SEMA6A: variants seen among roughly 807,000 people sequenced by gnomAD.
SEMA6A encodes the protein semaphorin 6A.
In SEMA6A, 25 loss-of-function variants were observed where a neutral mutation model predicts 96.8. The ratio of observed to expected loss-of-function variants is 0.26; its 90% CI spans 0.19 to 0.36. SEMA6A has a LOEUF of 0.36. SEMA6A is among the 10% of genes least tolerant of loss of function. The pLI is 1.00. For missense variants in SEMA6A, 1,363 were observed against 1,323.1 expected (o/e 1.03, Z -0.47); for synonymous variants, 612 against 518.0 (o/e 1.18, Z -2.46).
chr5:116,449,365 TC>T lies in SEMA6A; in HGVS notation c.1895-1555del, dbSNP rs1754484927. On this transcript the variant is annotated intron_variant, in intron 18 of 18. Transcript: ENST00000343348. ...TTTTTCATCTACTAAATCAACTCTT[TC>T]TGGAATATGTTTCATGTATTTTACT... The T allele has an allele frequency of 4.3e-6, 3 of 702,382 alleles. No homozygotes were observed. In the East Asian group the frequency reaches 8.0e-5, roughly 19 times the overall value. The allele number at this position is 702,382 out of a possible 1,614,324, so 43.5% of individuals were successfully genotyped here.
At chr5:116,510,868 A>G (rs1048365354) in intron 1 of SEMA6A, among the ~76,000 whole-genome samples, 6 of 152,186 alleles carry the variant, frequency 3.9e-5, no homozygotes, top group African/African-American at 1.2e-4. Context: ...AAATATAATG[A>G]TGTGGAAAAT....
intron 18 of SEMA6A, among the ~76,000 whole-genome samples, chr5:116,450,444 G>T (rs922642814): frequency 6.6e-6 from 1 of 152,182 alleles, no homozygotes; most frequent in Non-Finnish European, 1.5e-5. Flanking sequence ...TAAAGCTAGA[G>T]CAATTCATTG....
intron 1 of SEMA6A, among the ~76,000 whole-genome samples, chr5:116,556,912 C>CA (rs956608479): frequency 3.9e-4 from 60 of 152,190 alleles, no homozygotes; most frequent in African/African-American, 1.3e-3. Flanking sequence ...ATTATACATG[C>CA]AAAAAATAGC....
chr5:116,562,802 G>A (rs1294059064), intron 1 of SEMA6A: 3 of 723,476 alleles, frequency 4.1e-6, no homozygotes, highest in Non-Finnish European at 7.8e-6. Context: ...CCAGGATATG[G>A]CTCAGAGGTG....
intron 3 of SEMA6A, among the ~76,000 whole-genome samples, chr5:116,499,371 G>A (rs1162390807): frequency 7.6e-6 from 1 of 131,578 alleles, no homozygotes; most frequent in Non-Finnish European, 1.6e-5. Context: ...CCTCCAGCAA[G>A]CACCACTGAA....
In SEMA6A at chr5:116,447,328, G is replaced by A. The variant is rs1041228612; in HGVS notation, c.2378C>T (p.Pro793Leu). The change falls in exon 19 of 19, where the codon CCC (proline) becomes CTC (leucine). Residue 793 changes from proline (P) to leucine (L), a missense_variant. By Grantham distance (98) the Pro-to-Leu change is moderately conservative. Coordinates refer to ENST00000343348, the MANE Select transcript of SEMA6A (RefSeq NM_020796.5). Reference protein sequence around the residue: ...LINACTKDMPPMGSPVIPTDL... With the variant: ...LINACTKDMPLMGSPVIPTDL... ...CGTGGGAATCACAGGGGAGCCCATG[G>A]GGGGCATGTCCTTTGTGCAGGCATT... The A allele has an allele frequency of 6.2e-6, 10 of 1,613,712 alleles. No individual in the cohort carries two copies. The Admixed American group carries it at 1.7e-4, about 27-fold the overall frequency.
At chr5:116,489,137 G>T (rs1255084375) in intron 7 of SEMA6A, 130 bp from the exon 8 acceptor site, 6 of 1,059,940 alleles carry the variant, frequency 5.7e-6, no homozygotes, top group Non-Finnish European at 7.7e-6. Flanking sequence ...AAAAATCCAA[G>T]AGTCGCTGGG....
chr5:116,478,460 T>C, intron 13 of SEMA6A, 82 bp downstream of exon 13: 1 of 1,366,652 alleles, frequency 7.3e-7, no homozygotes, highest in East Asian at 2.5e-5. Flanking sequence ...AAAACCTCAG[T>C]CGGTCATGAT....
At chr5:116,478,889 C>T (rs1756606021) in intron 12 of SEMA6A, among the ~76,000 whole-genome samples, 171 bp from the exon 13 acceptor site, 1 of 151,632 alleles carries the variant, frequency 6.6e-6, no homozygotes, top group Admixed American at 6.6e-5. Context: ...ATTTGCAGAG[C>T]ACTAGTGTGG....
intron 18 of SEMA6A, among the ~76,000 whole-genome samples, chr5:116,459,247 C>T (rs72810793): frequency 6.6e-6 from 1 of 152,174 alleles, no homozygotes; most frequent in African/African-American, 2.4e-5. Context: ...TAGTAACAGA[C>T]ACTTTAGATC....
rs113431602 is a variant in SEMA6A at position 116,509,607 on chromosome 5, T to TGAGA, written c.-38-4629_-38-4626dup. ...GTGAAGAAGGGTGTCTCTGTGTGTGTGAGAGAGAGAGAGAGAGCATGCGAT... is the reference window on the plus strand; with the variant it reads ...GTGAAGAAGGGTGTCTCTGTGTGTGTGAGAGAGAGAGAGAGAGAGAGCATGCGAT... On this transcript the variant is annotated intron_variant, in intron 1 of 18. Transcript: ENST00000343348. Among the ~76,000 whole-genome samples, 568 of 150,488 alleles carry TGAGA rather than the reference T, an allele frequency of 3.8e-3. 7 individuals are homozygous for TGAGA. The highest frequency in any genetic ancestry group is 0.011 in the African/African-American group (437 of 41,024).
chr5:116,553,379 C>A (rs1055910861), intron 1 of SEMA6A, among the ~76,000 whole-genome samples: 2 of 152,168 alleles, frequency 1.3e-5, no homozygotes, highest in African/African-American at 4.8e-5. Context: ...GCGGCTCACA[C>A]TTGGTGTCAT....
At chr5:116,572,118 T>TG (rs1396701425) in intron 1 of SEMA6A, among the ~76,000 whole-genome samples, 6 of 152,052 alleles carry the variant, frequency 3.9e-5, no homozygotes. Flanking sequence ...AAACCAGCGC[T>TG]GGGGGGCATT....
intron 15 of SEMA6A, among the ~76,000 whole-genome samples, chr5:116,476,728 A>G (rs12522475): frequency 0.14 from 21,268 of 152,226 alleles, 1,747 homozygotes; most frequent in East Asian, 0.23. Flanking sequence ...GTCATCTCAT[A>G]GCTCCCCTCA....
intron 2 of SEMA6A, 60 bp from the exon 3 acceptor site, chr5:116,502,387 G>T: frequency 7.0e-7 from 1 of 1,438,328 alleles, no homozygotes; most frequent in Non-Finnish European, 9.8e-7. Flanking sequence ...AATTGACAGG[G>T]TAGGGAGGGG....
chr5:116,480,863 C>A (rs1454548927), intron 11 of SEMA6A, among the ~76,000 whole-genome samples: 4 of 152,154 alleles, frequency 2.6e-5, no homozygotes, highest in Admixed American at 6.5e-5. Flanking sequence ...ATATCAGATT[C>A]TTTCCTGAAA....
intron 7 of SEMA6A, 48 bp from the exon 8 acceptor site, chr5:116,489,055 G>C (rs898039753): frequency 6.6e-7 from 1 of 1,514,928 alleles, no homozygotes. Flanking sequence ...CAAGTCAGTG[G>C]GGGTGGAGGA....
chr5:116,495,081 TTAGA>T (rs1196229055), intron 6 of SEMA6A, among the ~76,000 whole-genome samples: 1 of 152,006 alleles, frequency 6.6e-6, no homozygotes, highest in African/African-American at 2.4e-5. Flanking sequence ...TGCTCAGAGG[TTAGA>T]TAGTGGGGTG....
intron 17 of SEMA6A, 148 bp from the exon 18 acceptor site, chr5:116,467,895 G>GTGA (rs1165859407): frequency 3.0e-6 from 2 of 670,692 alleles, no homozygotes; most frequent in African/African-American, 3.7e-5. Context: ...GGTGGTGGTG[G>GTGA]TGGTGGTGGT....
Sources: gnomAD v4.1 joint callset for allele counts (sites outside exome capture counted in the v4.1 genomes callset) on GRCh38, gnomAD v4.1.1 for gene constraint, MANE v1.5 for transcripts, NCBI Gene and HGNC (gene_info 2026-07-23, HGNC 2026-07-21) for gene names.